Variants in SNX29 observed in about 807,000 individuals in gnomAD.
SNX29 encodes the protein sorting nexin-29.
Under a neutral mutation model 102.1 loss-of-function variants are expected in SNX29, and 78 were observed. That is an observed-to-expected ratio of 0.76 (90% CI 0.64 to 0.92). SNX29 has a LOEUF of 0.92. Among genes scored for constraint, SNX29 ranks in the 40% least tolerant of loss-of-function variants. SNX29 has a pLI of 0.00. For missense variants in SNX29, 1,280 were observed against 1,061.7 expected, an observed-to-expected ratio of 1.21 and a Z score of -2.86; for synonymous variants, 580 against 414.5, an observed-to-expected ratio of 1.40 and a Z score of -4.85.
intron 14 of SNX29, among the ~76,000 whole-genome samples, chr16:12,224,324 T>G (rs1439497341): frequency 6.6e-6 from 1 of 152,136 alleles, no homozygotes. Flanking sequence ...CCTTATTGCT[T>G]TCTCCGACAA....
At chr16:12,377,778 G>C (rs2082931815) in intron 16 of SNX29, among the ~76,000 whole-genome samples, 2 of 152,124 alleles carry the variant, frequency 1.3e-5, no homozygotes, top group Non-Finnish European at 2.9e-5. Context: ...CATGTGTGTT[G>C]AGTTTTTCAG....
intron 15 of SNX29, among the ~76,000 whole-genome samples, chr16:12,290,689 C>A (rs917242313): frequency 2.0e-5 from 3 of 152,180 alleles, no homozygotes; most frequent in Non-Finnish European, 4.4e-5. Context: ...ACACATAGGA[C>A]AGATGCATTT....
chr16:12,452,831 G>A (rs1426138972), intron 18 of SNX29, among the ~76,000 whole-genome samples: 1 of 152,160 alleles, frequency 6.6e-6, no homozygotes, highest in Non-Finnish European at 1.5e-5. Context: ...GAGATCACAG[G>A]TCTATCTATC....
At chr16:12,201,116 A>G (rs2076903955) in intron 14 of SNX29, among the ~76,000 whole-genome samples, 1 of 152,190 alleles carries the variant, frequency 6.6e-6, no homozygotes, top group Admixed American at 6.5e-5. Flanking sequence ...GCTATTTGAT[A>G]ACATGCCTTG....
intron 14 of SNX29, among the ~76,000 whole-genome samples, chr16:12,262,725 T>C (rs56361711): frequency 0.063 from 9,640 of 152,286 alleles, 1,036 homozygotes; most frequent in African/African-American, 0.22. Flanking sequence ...GCACTTTCTG[T>C]GCTCTGGACT....
chr16:12,356,010 A>G (rs1488937855), intron 15 of SNX29, among the ~76,000 whole-genome samples, 153 bp from the exon 16 acceptor site: 1 of 152,066 alleles, frequency 6.6e-6, no homozygotes, highest in Non-Finnish European at 1.5e-5. Flanking sequence ...GGTGGATTGC[A>G]TGGTTCACAG....
chr16:12,015,495 C>T (rs767018065), intron 3 of SNX29, among the ~76,000 whole-genome samples: 3 of 151,672 alleles, frequency 2.0e-5, no homozygotes, highest in Non-Finnish European at 2.9e-5. Context: ...GCCTCAGCCT[C>T]CCAAAGTGCT....
At chr16:12,532,314 G>A (rs1165600113) in intron 20 of SNX29, among the ~76,000 whole-genome samples, 1 of 152,242 alleles carries the variant, frequency 6.6e-6, no homozygotes, top group Non-Finnish European at 1.5e-5. Context: ...ACCAGACTCT[G>A]TAGCGTCATG....
chr16:12,322,788 G>GAGTCACCGAT (rs2080982728), intron 15 of SNX29, among the ~76,000 whole-genome samples: 1 of 147,746 alleles, frequency 6.8e-6, no homozygotes, highest in Non-Finnish European at 1.5e-5. Context: ...AGTCAGTAGG[G>GAGTCACCGAT]GGCCACTGTC....
At chr16:11,993,481 G>T (rs879630121) in intron 1 of SNX29, among the ~76,000 whole-genome samples, 23 of 152,106 alleles carry the variant, frequency 1.5e-4, no homozygotes, top group Non-Finnish European at 2.8e-4. Context: ...TTGGGGTAAG[G>T]GTTGCCAACA....
At chr16:12,386,433 C>A (rs1395134816) in intron 16 of SNX29, among the ~76,000 whole-genome samples, 4 of 152,184 alleles carry the variant, frequency 2.6e-5, no homozygotes, top group African/African-American at 9.7e-5. Flanking sequence ...AGCCACTTGC[C>A]CTGCTCACAG....
intron 18 of SNX29, among the ~76,000 whole-genome samples, chr16:12,417,369 T>G (rs1362467074): frequency 1.3e-5 from 2 of 152,300 alleles, no homozygotes; most frequent in East Asian, 1.9e-4. Flanking sequence ...TGTTTCAGGC[T>G]GTCTGGCTCA....
chr16:12,164,571 C>T (rs922219080), intron 13 of SNX29, among the ~76,000 whole-genome samples: 1 of 151,860 alleles, frequency 6.6e-6, no homozygotes, highest in African/African-American at 2.4e-5. Context: ...TGAAAGGGGC[C>T]ATACAGCATT....
At chr16:12,550,574 C>T (rs1043551429) in intron 20 of SNX29, among the ~76,000 whole-genome samples, 10 of 150,294 alleles carry the variant, frequency 6.7e-5, no homozygotes, top group African/African-American at 2.0e-4. Context: ...AGGATATATA[C>T]TTCCACCGGT....
chr16:12,110,382 G>T (rs2141261468), intron 11 of SNX29, among the ~76,000 whole-genome samples: 1 of 152,266 alleles, frequency 6.6e-6, no homozygotes, highest in Non-Finnish European at 1.5e-5. Flanking sequence ...CTCTGAAGGT[G>T]GAACTTAGAA....
At chr16:12,553,992 T>A (rs1190586055) in intron 20 of SNX29, among the ~76,000 whole-genome samples, 1 of 152,058 alleles carries the variant, frequency 6.6e-6, no homozygotes, top group Admixed American at 6.5e-5. Flanking sequence ...ATTTGGCTAA[T>A]TTTTGTATTT....
intron 19 of SNX29, among the ~76,000 whole-genome samples, chr16:12,505,061 G>C (rs2089309060): frequency 6.6e-6 from 1 of 152,150 alleles, no homozygotes; most frequent in African/African-American, 2.4e-5. Context: ...CTTGAGCTCA[G>C]GAATTTAAGA....
At chr16:12,476,313 CAA>C (rs1190760180) in intron 18 of SNX29, among the ~76,000 whole-genome samples, 1 of 72,136 alleles carries the variant, frequency 1.4e-5, no homozygotes, top group African/African-American at 5.1e-5. Flanking sequence ...GACTTCGTCT[CAA>C]AAAAAAAAGT....
intron 18 of SNX29, among the ~76,000 whole-genome samples, chr16:12,411,336 C>T (rs945136832): frequency 3.3e-5 from 5 of 152,150 alleles, no homozygotes; most frequent in African/African-American, 1.2e-4. Flanking sequence ...GAGCACTTGC[C>T]CTTGTTCTTG....
Sources: gnomAD v4.1 joint callset for allele counts (sites outside exome capture counted in the v4.1 genomes callset) on GRCh38, gnomAD v4.1.1 for gene constraint, MANE v1.5 for transcripts, NCBI Gene and HGNC (gene_info 2026-07-23, HGNC 2026-07-21) for gene names.